Variants in TMEM135 observed in about 807,000 individuals in gnomAD.
TMEM135 encodes the protein transmembrane protein 135.
Under a neutral mutation model 60.3 loss-of-function variants are expected in TMEM135, and 30 were observed. The ratio of observed to expected loss-of-function variants is 0.50; its 90% CI spans 0.37 to 0.68. The LOEUF (loss-of-function observed/expected upper bound fraction) is 0.68. Among genes scored for constraint, TMEM135 ranks in the 30% least tolerant of loss-of-function variants. The pLI is 0.00. For synonymous variants in TMEM135, 190 were observed against 186.7 expected (o/e 1.02, Z -0.14); for missense variants, 468 against 548.8 (o/e 0.85, Z 1.47).
intron 4 of TMEM135, among the ~76,000 whole-genome samples, chr11:87,133,493 T>G (rs1164809217): frequency 6.6e-6 from 1 of 152,204 alleles, no homozygotes; most frequent in African/African-American, 2.4e-5. Flanking sequence ...CCATGTCAAC[T>G]TTTTCTGAAG....
chr11:87,040,555 G>C (rs1000215374), intron 1 of TMEM135, among the ~76,000 whole-genome samples: 7 of 151,978 alleles, frequency 4.6e-5, no homozygotes, highest in Non-Finnish European at 8.8e-5. Context: ...CCAGCTACTC[G>C]GGAGGCTGAG....
At chr11:87,229,468 T>C (rs1478332782) in intron 5 of TMEM135, among the ~76,000 whole-genome samples, 2 of 152,154 alleles carry the variant, frequency 1.3e-5, no homozygotes, top group Non-Finnish European at 2.9e-5. Flanking sequence ...ACAGTTTTTA[T>C]GGGTATAGGA....
chr11:87,211,280 T>C (rs930560405), intron 5 of TMEM135, among the ~76,000 whole-genome samples: 1 of 152,226 alleles, frequency 6.6e-6, no homozygotes, highest in African/African-American at 2.4e-5. Context: ...CATATGAATA[T>C]CCTCATTAAA....
At chr11:87,125,953 AT>A (rs1271948196) in intron 4 of TMEM135, among the ~76,000 whole-genome samples, 1 of 152,208 alleles carries the variant, frequency 6.6e-6, no homozygotes, top group African/African-American at 2.4e-5. Context: ...AACAAAGCAA[AT>A]TTCGTACTCA....
chr11:87,293,784 A>C (rs919902399), intron 6 of TMEM135, among the ~76,000 whole-genome samples: 3 of 152,166 alleles, frequency 2.0e-5, no homozygotes, highest in Non-Finnish European at 4.4e-5. Context: ...GATTGGTTAC[A>C]TGTCTTTGCT....
chr11:87,258,753 G>A (rs1276920986), intron 6 of TMEM135: 4 of 430,178 alleles, frequency 9.3e-6, no homozygotes, highest in East Asian at 8.9e-5. Context: ...GGATCAATGT[G>A]CCAAAGTTAA....
chr11:87,261,285 C>G (rs1941646869), intron 6 of TMEM135, among the ~76,000 whole-genome samples: 1 of 152,056 alleles, frequency 6.6e-6, no homozygotes, highest in African/African-American at 2.4e-5. Context: ...TATATTTTGC[C>G]AAAATACATA....
At chr11:87,273,858 T>C (rs904519118) in intron 6 of TMEM135, among the ~76,000 whole-genome samples, 1 of 152,180 alleles carries the variant, frequency 6.6e-6, no homozygotes, top group Non-Finnish European at 1.5e-5. Flanking sequence ...TCCTAGGCTA[T>C]TTGGGTCCTT....
At chr11:87,097,839 C>CT (rs1410663430) in intron 4 of TMEM135, among the ~76,000 whole-genome samples, 1 of 152,150 alleles carries the variant, frequency 6.6e-6, no homozygotes, top group African/African-American at 2.4e-5. Flanking sequence ...GTTGTGAGGC[C>CT]TTCCACATCT....
intron 1 of TMEM135, among the ~76,000 whole-genome samples, chr11:87,058,220 C>G (rs1949911729): frequency 6.6e-6 from 1 of 152,204 alleles, no homozygotes; most frequent in South Asian, 2.1e-4. Flanking sequence ...CCCAGAATAT[C>G]ATTTGACCAA....
At chr11:87,142,685 TTCC>T (rs750021439) in intron 4 of TMEM135, among the ~76,000 whole-genome samples, 10 of 151,246 alleles carry the variant, frequency 6.6e-5, no homozygotes, top group East Asian at 5.8e-4. Flanking sequence ...GCTTCCAGAT[TTCC>T]TCCTCCTCCT....
At chr11:87,300,339 C>T (rs1565162823) in intron 7 of TMEM135, among the ~76,000 whole-genome samples, 3 of 152,152 alleles carry the variant, frequency 2.0e-5, no homozygotes, top group African/African-American at 4.8e-5. Context: ...AACACAACCA[C>T]GGGAGAAAAG....
At chr11:87,297,356 CTT>C (rs1565161632) in intron 7 of TMEM135, among the ~76,000 whole-genome samples, 3 of 152,222 alleles carry the variant, frequency 2.0e-5, no homozygotes, top group East Asian at 3.9e-4. Flanking sequence ...ATAAGAATGT[CTT>C]TGGTTGTGAG....
At chr11:87,308,563 A>G (rs1942589721) in intron 9 of TMEM135, among the ~76,000 whole-genome samples, 1 of 152,158 alleles carries the variant, frequency 6.6e-6, no homozygotes, top group Non-Finnish European at 1.5e-5. Context: ...TTTTGGGCAT[A>G]CACTGCTATG....
At chr11:87,274,812 G>A (rs1255860843) in intron 6 of TMEM135, among the ~76,000 whole-genome samples, 1 of 149,994 alleles carries the variant, frequency 6.7e-6, no homozygotes, top group East Asian at 1.9e-4. Flanking sequence ...GTGTGTGTGT[G>A]TGTGTGTGTG....
chr11:87,324,657 C>T lies in TMEM135; in HGVS notation c.*3324C>T. On this transcript the variant is annotated 3_prime_UTR_variant, in exon 15 of 15. Transcript: ENST00000305494. ...TGTTGTCCAGGCTGGTCTTAAACTC[C>T]TGGCCTCAAGTGATCCTCTTGGGTT... 2.2e-6 allele frequency: 1 copy of T among 451,654 alleles called. No homozygotes were observed. The highest frequency in any genetic ancestry group is 4.4e-6 in the Non-Finnish European group (1 of 226,274). 28.0% of individuals were successfully genotyped at this position (451,654 alleles called of 1,614,324 possible).
intron 6 of TMEM135, among the ~76,000 whole-genome samples, chr11:87,282,396 C>T (rs1565155265): frequency 6.6e-6 from 1 of 152,050 alleles, no homozygotes; most frequent in African/African-American, 2.4e-5. Flanking sequence ...TCCCAAGTAG[C>T]TGAGATTACA....
chr11:87,293,781 T>C (rs551075939), intron 6 of TMEM135, among the ~76,000 whole-genome samples: 7 of 152,250 alleles, frequency 4.6e-5, no homozygotes, highest in Admixed American at 1.3e-4. Flanking sequence ...TGGGATTGGT[T>C]ACATGTCTTT....
chr11:87,038,159 C>T lies in TMEM135; in HGVS notation c.114C>T (p.Ser38=). The change falls in exon 1 of 15, where the codon TCC becomes TCT. Residue 38 remains serine (S), a synonymous_variant. Transcript: ENST00000305494. The stretch of plus-strand genomic sequence containing the variant: ...TCACCGGGGGCGCCCTGGAGGAGTC[C>T]CTGAAGATCTATGCTCCTCTGTACT... ...LQITGGALEE[S]LKIYAPLYLI... 6.2e-7 allele frequency: 1 copy of T among 1,614,046 alleles called. No homozygotes were observed. The highest frequency in any genetic ancestry group is 8.5e-7 in the Non-Finnish European group (1 of 1,180,020).
Sources: allele counts gnomAD v4.1 joint callset (sites outside exome capture counted in the v4.1 genomes callset), GRCh38; gene constraint gnomAD v4.1.1; transcripts MANE v1.5; gene names NCBI Gene and HGNC (gene_info 2026-07-23, HGNC 2026-07-21).